The following COL5A2 variants were observed in gnomAD, a reference collection of about 807,000 sequenced individuals.
COL5A2 encodes collagen alpha-2(V) chain.
Under a neutral mutation model 208.2 loss-of-function variants are expected in COL5A2, and 23 were observed. The observed-to-expected ratio is 0.11, with a 90% CI of 0.08 to 0.16. The LOEUF is 0.16. COL5A2 is among the 10% of genes least tolerant of loss of function. The probability of loss-of-function intolerance (pLI) is 1.00; values close to 1 mark genes in which losing one functional copy is unlikely to be tolerated. For missense variants in COL5A2, 1,590 were observed against 1,956.4 expected, an observed-to-expected ratio of 0.81 and a Z score of 3.53; for synonymous variants, 625 against 628.5, an observed-to-expected ratio of 0.99 and a Z score of 0.08.
At chr2:189,391,830 T>A in the COL5A2 span, among the ~76,000 whole-genome samples, 1 of 152,148 alleles carries the variant, frequency 6.6e-6, no homozygotes, top group Non-Finnish European at 1.5e-5. Context: ...TGATTTTTTG[T>A]GGTTGATGTG....
At chr2:189,098,873 G>A (rs1489444749) in intron 4 of COL5A2, 114 bp from the exon 5 acceptor site, 3 of 735,838 alleles carry the variant, frequency 4.1e-6, no homozygotes, top group African/African-American at 1.7e-5. Context: ...TTAACAAATG[G>A]ATGTTGTCAA....
chr2:189,133,904 G>T (rs1180232389), intron 1 of COL5A2, among the ~76,000 whole-genome samples: 1 of 151,968 alleles, frequency 6.6e-6, no homozygotes, highest in East Asian at 1.9e-4. Context: ...GTGAAGGATT[G>T]GGAAGACATA....
At chr2:189,386,665 T>A in the COL5A2 span, among the ~76,000 whole-genome samples, 7 of 152,170 alleles carry the variant, frequency 4.6e-5, no homozygotes, top group Non-Finnish European at 7.4e-5. Flanking sequence ...AGGCAAAGGA[T>A]ATGAACACAT....
At position 189,051,401 on chromosome 2, in the gene COL5A2, A is replaced by C. The variant is rs776009969; in HGVS notation, c.2850T>G (p.His950Gln). 6.2e-7 allele frequency: 1 copy of C among 1,613,904 alleles called. No individual in the cohort carries two copies. The highest frequency in any genetic ancestry group is 1.3e-5 in the African/African-American group (1 of 74,900). Reference sequence around the variant, plus strand: ...CTGGTCCTCGATCTCCCACACGCCCATGAGAGCCAGGGTCCCCACGAAGAC... The same window carrying C: ...CTGGTCCTCGATCTCCCACACGCCCCTGAGAGCCAGGGTCCCCACGAAGAC... Reference protein sequence around the residue: ...PPGLRGDPGSHGRVGDRGPAG... With the variant: ...PPGLRGDPGSQGRVGDRGPAG... Residue 950 changes from histidine to glutamine, a missense_variant, in exon 42 of 54, where the codon CAT becomes CAG. By Grantham distance (24) the His-to-Gln change is conservative. Transcript: ENST00000374866.
chr2:189,335,551 C>A, the COL5A2 span, among the ~76,000 whole-genome samples: 1 of 152,032 alleles, frequency 6.6e-6, no homozygotes, highest in Non-Finnish European at 1.5e-5. Flanking sequence ...AAAATGGAAA[C>A]AACCCAAATG....
At chr2:189,096,324 T>C (rs1485888463) in intron 6 of COL5A2, among the ~76,000 whole-genome samples, 5 of 152,000 alleles carry the variant, frequency 3.3e-5, no homozygotes, top group Non-Finnish European at 5.9e-5. Flanking sequence ...ATGGGAGCAA[T>C]ATACAAATGA....
chr2:189,123,948 G>A (rs903139574), intron 1 of COL5A2, among the ~76,000 whole-genome samples: 2 of 152,024 alleles, frequency 1.3e-5, no homozygotes, highest in Admixed American at 1.3e-4. Context: ...AAAAGATAAG[G>A]GGATGGCACA....
At chr2:189,106,600 A>G (rs995347809) in intron 2 of COL5A2, among the ~76,000 whole-genome samples, 7 of 150,852 alleles carry the variant, frequency 4.6e-5, no homozygotes, top group Non-Finnish European at 8.9e-5. Flanking sequence ...TCTTTTTTTA[A>G]TGTCAAATTA....
rs1358837934 is a variant in COL5A2 at position 189,190,074 on chromosome 2, TAA to T, written c.-42+35072_-42+35073del. On this transcript the variant is annotated intron_variant, in intron 1 of 10. Coordinates refer to the COL5A2 transcript ENST00000649966. ...CTGAGTCCTTCTTGACACCCAAAGGTAAGAAAACCAAAGGCCCTGTGAACACT... is the reference window on the plus strand; with the variant it reads ...CTGAGTCCTTCTTGACACCCAAAGGTGAAAACCAAAGGCCCTGTGAACACT... Among the ~76,000 whole-genome samples the T allele has an allele frequency of 3.3e-4, 50 of 152,240 alleles. 1 individual carries two copies. The highest frequency in any genetic ancestry group is 1.2e-3 in the African/African-American group (49 of 41,536).
the COL5A2 span, among the ~76,000 whole-genome samples, chr2:189,393,157 CT>C: frequency 5.7e-4 from 85 of 149,358 alleles, no homozygotes; most frequent in African/African-American, 1.8e-3. Flanking sequence ...CTTTTTCAAA[CT>C]TTTTTTTTTA....
At chr2:189,115,837 A>G (rs998669752) in intron 1 of COL5A2, among the ~76,000 whole-genome samples, 11 of 152,230 alleles carry the variant, frequency 7.2e-5, no homozygotes, top group African/African-American at 2.4e-4. Flanking sequence ...CCTATTAAAA[A>G]GATAAGCACT....
At chr2:189,320,172 C>A in the COL5A2 span, among the ~76,000 whole-genome samples, 1 of 152,140 alleles carries the variant, frequency 6.6e-6, no homozygotes, top group East Asian at 1.9e-4. Flanking sequence ...TGTACGTCAC[C>A]ATCATCAAAG....
chr2:189,399,633 T>C, the COL5A2 span, among the ~76,000 whole-genome samples: 3 of 152,162 alleles, frequency 2.0e-5, no homozygotes, highest in Non-Finnish European at 1.5e-5. Context: ...TTTAGAACTT[T>C]GAGTTATAGT....
At chr2:189,294,956 C>A in the COL5A2 span, among the ~76,000 whole-genome samples, 2 of 152,088 alleles carry the variant, frequency 1.3e-5, no homozygotes, top group African/African-American at 4.8e-5. Context: ...CAGGTACATA[C>A]CACCATGCCT....
At chr2:189,398,640 G>A in the COL5A2 span, among the ~76,000 whole-genome samples, 6 of 151,460 alleles carry the variant, frequency 4.0e-5, no homozygotes, top group African/African-American at 9.7e-5. Context: ...TTTTTCATTC[G>A]ACCTTTCACT....
the COL5A2 span, among the ~76,000 whole-genome samples, chr2:189,272,309 C>T: frequency 1.3e-5 from 2 of 152,262 alleles, no homozygotes; most frequent in Admixed American, 6.5e-5. Context: ...GGCACATATA[C>T]ACCAAAGAAT....
chr2:189,075,668 A>G (rs1686388696), intron 16 of COL5A2, among the ~76,000 whole-genome samples: 2 of 152,198 alleles, frequency 1.3e-5, no homozygotes, highest in African/African-American at 4.8e-5. Context: ...CAAGATTGAG[A>G]AAATGAAACT....
chr2:189,088,434 T>G (rs1686711554), intron 8 of COL5A2, among the ~76,000 whole-genome samples: 1 of 152,242 alleles, frequency 6.6e-6, no homozygotes. Context: ...CTTAAACTCC[T>G]TTATTTTCTT....
intron 42 of COL5A2, among the ~76,000 whole-genome samples, chr2:189,051,104 T>G (rs1418913242): frequency 3.3e-5 from 5 of 152,160 alleles, no homozygotes; most frequent in South Asian, 2.1e-4. Context: ...ATAATTTTTT[T>G]GGGTTTAGTT....
Sources: allele counts gnomAD v4.1 joint callset (sites outside exome capture counted in the v4.1 genomes callset), GRCh38; gene constraint gnomAD v4.1.1; transcripts MANE v1.5; gene names NCBI Gene and HGNC (gene_info 2026-07-23, HGNC 2026-07-21).